RAPGEF2: variants seen among roughly 807,000 people sequenced by gnomAD.
The protein encoded by RAPGEF2 is Rap guanine nucleotide exchange factor 2.
A neutral mutation model predicts 186.7 loss-of-function variants in RAPGEF2; 54 were observed. The ratio of observed to expected loss-of-function variants is 0.29; its 90% CI spans 0.23 to 0.36. The LOEUF (loss-of-function observed/expected upper bound fraction) is 0.36, where lower values mean the gene tolerates loss of function less well. RAPGEF2 is among the 10% of genes least tolerant of loss of function. The probability of loss-of-function intolerance (pLI) is 1.00; values close to 1 mark genes in which losing one functional copy is unlikely to be tolerated. For missense variants in RAPGEF2, 1,532 were observed against 2,045.0 expected (o/e 0.75, Z 4.84); for synonymous variants, 712 against 705.9 (o/e 1.01, Z -0.14).
At chr4:159,315,718 CAGAG>C (rs554000716) in intron 9 of RAPGEF2, among the ~76,000 whole-genome samples, 2 of 151,786 alleles carry the variant, frequency 1.3e-5, no homozygotes, top group African/African-American at 4.8e-5. Flanking sequence ...GCAGCCGAGG[CAGAG>C]AGAGAGAGGA....
At chr4:159,181,930 A>T (rs1747054438) in intron 1 of RAPGEF2, among the ~76,000 whole-genome samples, 2 of 152,222 alleles carry the variant, frequency 1.3e-5, no homozygotes, top group Admixed American at 6.5e-5. Context: ...ATTATCCAGA[A>T]GGATCTTTTA....
At chr4:159,336,120 C>G (rs1006499788) in intron 17 of RAPGEF2, among the ~76,000 whole-genome samples, 12 of 151,640 alleles carry the variant, frequency 7.9e-5, no homozygotes, top group African/African-American at 2.7e-4. Context: ...CCGGACTGAC[C>G]TATGAATTTG....
chr4:159,155,793 T>C (rs1231462581), intron 1 of RAPGEF2, among the ~76,000 whole-genome samples: 1 of 152,116 alleles, frequency 6.6e-6, no homozygotes, highest in Non-Finnish European at 1.5e-5. Context: ...AAACATTTAT[T>C]TTTAATATAA....
intron 7 of RAPGEF2, among the ~76,000 whole-genome samples, chr4:159,301,074 A>T (rs570592692): frequency 2.8e-4 from 43 of 152,162 alleles, no homozygotes; most frequent in Non-Finnish European, 5.3e-4. Flanking sequence ...TGTATTGTCA[A>T]TAAAATTTAA....
At chr4:159,246,332 G>A (rs1459907429) in intron 7 of RAPGEF2, among the ~76,000 whole-genome samples, 1 of 152,060 alleles carries the variant, frequency 6.6e-6, no homozygotes, top group African/African-American at 2.4e-5. Flanking sequence ...AATAATTTCT[G>A]TTGTAGTCAG....
chr4:159,161,973 T>A (rs999332681), intron 1 of RAPGEF2, among the ~76,000 whole-genome samples: 1 of 152,174 alleles, frequency 6.6e-6, no homozygotes, highest in African/African-American at 2.4e-5. Flanking sequence ...AAAGCATGCA[T>A]CATAACGTTC....
intron 10 of RAPGEF2, 84 bp downstream of exon 10, chr4:159,322,567 T>A: frequency 8.2e-7 from 1 of 1,216,546 alleles, no homozygotes; most frequent in Non-Finnish European, 1.2e-6. Flanking sequence ...AATTCTTACT[T>A]TTTCCTTTTT....
At chr4:159,127,990 T>C (rs1238521330) in intron 1 of RAPGEF2, among the ~76,000 whole-genome samples, 4 of 152,202 alleles carry the variant, frequency 2.6e-5, no homozygotes, top group African/African-American at 7.2e-5. Context: ...CATGGTGTTA[T>C]GAATCTCTAT....
chr4:159,112,346 T>G (rs1236344856), intron 1 of RAPGEF2, among the ~76,000 whole-genome samples: 1 of 152,162 alleles, frequency 6.6e-6, no homozygotes, highest in Non-Finnish European at 1.5e-5. Flanking sequence ...ATACCACATT[T>G]GGGAGATTTT....
intron 1 of RAPGEF2, among the ~76,000 whole-genome samples, 155 bp from the exon 2 acceptor site, chr4:159,186,487 G>A (rs1747569901): frequency 6.6e-6 from 1 of 151,976 alleles, no homozygotes; most frequent in African/African-American, 2.4e-5. Flanking sequence ...GTACAACTGA[G>A]CTTTTAATAA....
At chr4:159,139,864 T>G (rs1332998387) in intron 1 of RAPGEF2, among the ~76,000 whole-genome samples, 46 of 152,278 alleles carry the variant, frequency 3.0e-4, no homozygotes, top group Non-Finnish European at 2.9e-5. Flanking sequence ...AGGTTTTTAG[T>G]TTTGTCCTAT....
At chr4:159,338,980 G>C (rs1561308870) in intron 18 of RAPGEF2, 134 bp from the exon 19 acceptor site, 1 of 1,039,462 alleles carries the variant, frequency 9.6e-7, no homozygotes, top group Non-Finnish European at 1.4e-6. Flanking sequence ...CTTTGAGGAA[G>C]ACCTAGAGTA....
intron 8 of RAPGEF2, among the ~76,000 whole-genome samples, chr4:159,314,347 T>C (rs756834040): frequency 2.0e-5 from 3 of 152,218 alleles, no homozygotes; most frequent in African/African-American, 4.8e-5. Flanking sequence ...ATATGACAGC[T>C]AGGATAAGAA....
At chr4:159,312,988 G>C (rs1022575214) in intron 8 of RAPGEF2, among the ~76,000 whole-genome samples, 3 of 151,838 alleles carry the variant, frequency 2.0e-5, no homozygotes, top group African/African-American at 7.3e-5. Flanking sequence ...TCTCTACTAA[G>C]AGTACAAAAA....
intron 3 of RAPGEF2, among the ~76,000 whole-genome samples, chr4:159,193,780 T>C (rs769771790): frequency 1.3e-5 from 2 of 152,252 alleles, no homozygotes; most frequent in Non-Finnish European, 2.9e-5. Context: ...TAGATAAATA[T>C]TGGCATATTA....
intron 1 of RAPGEF2, among the ~76,000 whole-genome samples, chr4:159,151,738 G>T (rs1743557534): frequency 6.6e-6 from 1 of 152,146 alleles, no homozygotes; most frequent in Non-Finnish European, 1.5e-5. Flanking sequence ...ATTACTTTGT[G>T]GCTTTTTGTG....
intron 11 of RAPGEF2, among the ~76,000 whole-genome samples, chr4:159,325,069 T>G (rs1561282729): frequency 6.6e-6 from 1 of 152,140 alleles, no homozygotes; most frequent in Non-Finnish European, 1.5e-5. Flanking sequence ...AAATATTCAT[T>G]TTAAGCATTT....
intron 1 of RAPGEF2, among the ~76,000 whole-genome samples, chr4:159,115,484 A>C (rs2111076743): frequency 6.6e-6 from 1 of 152,314 alleles, no homozygotes; most frequent in Non-Finnish European, 1.5e-5. Flanking sequence ...GTGTGGACTA[A>C]ACCTATTTGA....
chr4:159,149,245 T>C (rs1409457093), intron 1 of RAPGEF2, among the ~76,000 whole-genome samples: 1 of 152,148 alleles, frequency 6.6e-6, no homozygotes, highest in African/African-American at 2.4e-5. Flanking sequence ...TTTAAAGTTT[T>C]AGTTTTTTTG....
Sources: gnomAD v4.1 joint callset for allele counts (sites outside exome capture counted in the v4.1 genomes callset) on GRCh38, gnomAD v4.1.1 for gene constraint, MANE v1.5 for transcripts, NCBI Gene and HGNC (gene_info 2026-07-23, HGNC 2026-07-21) for gene names.